CADM2: variants seen among roughly 807,000 people sequenced by gnomAD.
CADM2 encodes the protein immunoglobulin superfamily member 4D.
A neutral mutation model predicts 49.8 loss-of-function variants in CADM2; 12 were observed. The observed-to-expected ratio is 0.24, with a 90% CI of 0.15 to 0.39. The LOEUF (loss-of-function observed/expected upper bound fraction) is 0.39. CADM2 is among the 10% of genes least tolerant of loss of function. The pLI, the probability that CADM2 is intolerant of heterozygous loss-of-function variation, is 1.00. For synonymous variants in CADM2, 214 were observed against 175.4 expected, an observed-to-expected ratio of 1.22 and a Z score of -1.74; for missense variants, 378 against 492.3, an observed-to-expected ratio of 0.77 and a Z score of 2.20.
chr3:85,105,277 T>G (rs2038168941), intron 1 of CADM2, among the ~76,000 whole-genome samples: 1 of 152,050 alleles, frequency 6.6e-6, no homozygotes, highest in Admixed American at 6.6e-5. Flanking sequence ...CATCAAAAAG[T>G]GGGCAAAGGA....
At chr3:85,925,560 C>G (rs1227118704) in intron 6 of CADM2, among the ~76,000 whole-genome samples, 1 of 152,140 alleles carries the variant, frequency 6.6e-6, no homozygotes, top group Non-Finnish European at 1.5e-5. Context: ...TCAGATAGTG[C>G]TGGAACTGAA....
intron 1 of CADM2, among the ~76,000 whole-genome samples, chr3:85,256,771 G>A (rs1576223734): frequency 6.6e-6 from 1 of 152,010 alleles, no homozygotes; most frequent in East Asian, 1.9e-4. Context: ...AACTGTTTTG[G>A]TTGTTTTATT....
At chr3:85,576,947 G>A (rs1341061216) in intron 1 of CADM2, among the ~76,000 whole-genome samples, 1 of 151,736 alleles carries the variant, frequency 6.6e-6, no homozygotes, top group African/African-American at 2.4e-5. Flanking sequence ...GCAACAAATA[G>A]AACACAAATG....
intron 1 of CADM2, among the ~76,000 whole-genome samples, chr3:84,966,383 G>T (rs2030983125): frequency 6.6e-6 from 1 of 151,926 alleles, no homozygotes; most frequent in African/African-American, 2.4e-5. Context: ...GGCTTTCAGG[G>T]ATGTATAATA....
chr3:85,964,882 C>A (rs767134778), intron 8 of CADM2, among the ~76,000 whole-genome samples: 1 of 151,630 alleles, frequency 6.6e-6, no homozygotes, highest in African/African-American at 2.4e-5. Flanking sequence ...TGAAGTATAT[C>A]TCTTGTGATT....
chr3:85,379,752 A>G (rs1006239174), intron 1 of CADM2, among the ~76,000 whole-genome samples: 13 of 152,000 alleles, frequency 8.6e-5, no homozygotes, highest in African/African-American at 3.1e-4. Flanking sequence ...TTCATCAACA[A>G]AAATACATTT....
intron 1 of CADM2, among the ~76,000 whole-genome samples, chr3:85,329,921 G>A (rs2044869265): frequency 3.3e-5 from 5 of 151,996 alleles, no homozygotes. Flanking sequence ...TAGTTTTCCT[G>A]ATTAGTAGCA....
chr3:85,817,085 C>T (rs943301967), intron 3 of CADM2, among the ~76,000 whole-genome samples: 21 of 152,152 alleles, frequency 1.4e-4, no homozygotes, highest in African/African-American at 4.6e-4. Context: ...TCTTGTGAGC[C>T]ACCCTTGGAA....
intron 1 of CADM2, among the ~76,000 whole-genome samples, chr3:85,718,890 T>TATG (rs1240777438): frequency 1.2e-5 from 1 of 86,512 alleles, no homozygotes; most frequent in Non-Finnish European, 3.1e-5. Context: ...ATTTTATTAT[T>TATG]ATTATTATTA....
intron 1 of CADM2, among the ~76,000 whole-genome samples, chr3:85,176,347 G>A (rs1160360521): frequency 6.6e-6 from 1 of 152,006 alleles, no homozygotes; most frequent in African/African-American, 2.4e-5. Flanking sequence ...CTGTTAAACA[G>A]GTATTGCCTT....
intron 1 of CADM2, among the ~76,000 whole-genome samples, chr3:85,096,572 A>G (rs2037805467): frequency 6.6e-6 from 1 of 152,054 alleles, no homozygotes; most frequent in African/African-American, 2.4e-5. Flanking sequence ...ACATATCAGA[A>G]TATTCGTATA....
chr3:85,132,232 GT>G (rs1309138764), intron 1 of CADM2, among the ~76,000 whole-genome samples: 3 of 152,146 alleles, frequency 2.0e-5, no homozygotes, highest in African/African-American at 7.2e-5. Context: ...TTTGTTTCTT[GT>G]AGTTTAGCTT....
rs1163594424 is a variant in CADM2 at position 85,969,493 on chromosome 3, GC to G, written c.970+7848del. On this transcript the variant is annotated intron_variant, in intron 8 of 9. Coordinates refer to ENST00000383699, the MANE Select transcript of CADM2 (RefSeq NM_001167675.2). Reference sequence around the variant, plus strand: ...AGATTAAAAGGGATTTCTCAGTGAGGCCTTTTTTTTCCATTACCATCTAAAT... The same window carrying G: ...AGATTAAAAGGGATTTCTCAGTGAGGCTTTTTTTTCCATTACCATCTAAAT... Among the ~76,000 whole-genome samples, 3 of 151,048 alleles carry G rather than the reference GC, an allele frequency of 2.0e-5. No homozygotes were observed. In the Admixed American group the frequency reaches 2.0e-4, roughly 10 times the overall value.
At chr3:85,018,361 A>C (rs574733090) in intron 1 of CADM2, among the ~76,000 whole-genome samples, 4 of 152,144 alleles carry the variant, frequency 2.6e-5, no homozygotes, top group Admixed American at 2.0e-4. Context: ...GAGGCTTAAA[A>C]CTGTGAGTTT....
At chr3:85,068,239 T>A (rs541774039) in intron 1 of CADM2, among the ~76,000 whole-genome samples, 7 of 152,278 alleles carry the variant, frequency 4.6e-5, no homozygotes, top group African/African-American at 1.4e-4. Context: ...AACAAAAGTA[T>A]GGTAACATTC....
At chr3:85,402,240 A>T (rs1347212169) in intron 1 of CADM2, among the ~76,000 whole-genome samples, 1 of 152,058 alleles carries the variant, frequency 6.6e-6, no homozygotes, top group Non-Finnish European at 1.5e-5. Flanking sequence ...ACAAAAACAA[A>T]GATCTGTTTA....
chr3:85,906,109 A>C (rs1716772037), intron 5 of CADM2, among the ~76,000 whole-genome samples: 1 of 152,168 alleles, frequency 6.6e-6, no homozygotes. Context: ...ATTTCCTTAA[A>C]GTTTATTCTA....
At chr3:85,044,318 C>G (rs1169166867) in intron 1 of CADM2, among the ~76,000 whole-genome samples, 1 of 152,090 alleles carries the variant, frequency 6.6e-6, no homozygotes, top group Non-Finnish European at 1.5e-5. Context: ...CCCTACCCCC[C>G]ACCATAAAAA....
chr3:84,984,521 A>G (rs914402037), intron 1 of CADM2, among the ~76,000 whole-genome samples: 4 of 150,784 alleles, frequency 2.7e-5, no homozygotes, highest in South Asian at 2.1e-4. Flanking sequence ...CATCTTTACT[A>G]CTGCTACATT....
Sources: gnomAD v4.1 joint callset for allele counts (sites outside exome capture counted in the v4.1 genomes callset) on GRCh38, gnomAD v4.1.1 for gene constraint, MANE v1.5 for transcripts, NCBI Gene and HGNC (gene_info 2026-07-23, HGNC 2026-07-21) for gene names.